The following PDLIM5 variants were observed in gnomAD, a reference collection of about 807,000 sequenced individuals.
The protein encoded by PDLIM5 is PDZ and LIM domain protein 5.
A neutral mutation model predicts 64.2 loss-of-function variants in PDLIM5; 34 were observed. The ratio of observed to expected loss-of-function variants is 0.53; its 90% CI spans 0.40 to 0.71. The LOEUF is 0.71. Among genes scored for constraint, PDLIM5 ranks in the 30% least tolerant of loss-of-function variants. The probability of loss-of-function intolerance (pLI) is 0.00; values close to 1 mark genes in which losing one functional copy is unlikely to be tolerated. For synonymous variants in PDLIM5, 253 were observed against 269.1 expected, an observed-to-expected ratio of 0.94 and a Z score of 0.59; for missense variants, 683 against 733.6, an observed-to-expected ratio of 0.93 and a Z score of 0.80.
At chr4:94,503,979 T>A (rs748163129) in intron 2 of PDLIM5, among the ~76,000 whole-genome samples, 1 of 152,214 alleles carries the variant, frequency 6.6e-6, no homozygotes, top group Admixed American at 6.5e-5. Flanking sequence ...TATGGGACAA[T>A]TTAAATATCC....
chr4:94,474,278 T>C (rs925295345), intron 2 of PDLIM5, among the ~76,000 whole-genome samples: 2 of 152,290 alleles, frequency 1.3e-5, no homozygotes, highest in East Asian at 1.9e-4. Flanking sequence ...TGAGACAGAG[T>C]CTTGCTCTGT....
intron 2 of PDLIM5, among the ~76,000 whole-genome samples, chr4:94,485,495 G>T (rs1485871137): frequency 6.6e-6 from 1 of 152,142 alleles, no homozygotes; most frequent in East Asian, 1.9e-4. Context: ...TATGTGAAGT[G>T]AGTGAACCGC....
chr4:94,489,309 A>T (rs1460488578), intron 2 of PDLIM5, among the ~76,000 whole-genome samples: 3 of 152,116 alleles, frequency 2.0e-5, no homozygotes, highest in Non-Finnish European at 4.4e-5. Flanking sequence ...ATGCTTGATG[A>T]ATTATCTTAG....
chr4:94,489,165 T>C (rs1266190709), intron 2 of PDLIM5: 1 of 152,176 alleles, frequency 6.6e-6, no homozygotes, highest in Non-Finnish European at 1.5e-5. Context: ...TAATAGTATA[T>C]TGTCTATTTT....
At chr4:94,661,628 T>A (rs972378970) in intron 11 of PDLIM5, among the ~76,000 whole-genome samples, 1 of 152,210 alleles carries the variant, frequency 6.6e-6, no homozygotes, top group African/African-American at 2.4e-5. Context: ...AACTCAGTCA[T>A]AGCACTTATT....
intron 5 of PDLIM5, among the ~76,000 whole-genome samples, chr4:94,580,735 A>G (rs1212052165): frequency 6.6e-6 from 1 of 152,118 alleles, no homozygotes; most frequent in Non-Finnish European, 1.5e-5. Context: ...ACCTTTCTCA[A>G]GTCACACATC....
At position 94,569,630 on chromosome 4, in the gene PDLIM5, C is replaced by T. The variant is rs192395615; in HGVS notation, c.249-3721C>T. Among the ~76,000 whole-genome samples the T allele has an allele frequency of 5.3e-4, 80 of 152,174 alleles. No individual in the cohort carries two copies. In the East Asian group the frequency reaches 0.015, roughly 28 times the overall value. On this transcript the variant is annotated intron_variant, in intron 3 of 12. Coordinates refer to ENST00000317968, the MANE Select transcript of PDLIM5 (RefSeq NM_006457.5). ...AAGCCAGCGTTCCTGTCCAATTTTA[C>T]CCCTTTGCATTTGAGTTTCTCATCT...
intron 2 of PDLIM5, among the ~76,000 whole-genome samples, chr4:94,510,482 C>T (rs138048637): frequency 2.8e-3 from 429 of 152,238 alleles, no homozygotes; most frequent in African/African-American, 9.5e-3. Flanking sequence ...TACCATGCCC[C>T]TTTTTCCTGT....
intron 9 of PDLIM5, among the ~76,000 whole-genome samples, chr4:94,647,141 A>G (rs1221051581): frequency 6.6e-6 from 1 of 152,144 alleles, no homozygotes; most frequent in Non-Finnish European, 1.5e-5. Context: ...GCCACTAATA[A>G]ATCCTACTTT....
chr4:94,501,160 C>A (rs949829682), intron 2 of PDLIM5, among the ~76,000 whole-genome samples: 1 of 151,716 alleles, frequency 6.6e-6, no homozygotes, highest in Non-Finnish European at 1.5e-5. Context: ...GCAGCCTCGA[C>A]CTCCCAGGCT....
intron 2 of PDLIM5, chr4:94,456,843 A>C: frequency 8.9e-7 from 1 of 1,118,532 alleles, no homozygotes; most frequent in Non-Finnish European, 1.1e-6. Context: ...AGTGCTGTGA[A>C]TGCATCATCT....
intron 8 of PDLIM5, among the ~76,000 whole-genome samples, chr4:94,631,635 T>C (rs1740155719): frequency 6.6e-6 from 1 of 152,178 alleles, no homozygotes; most frequent in Non-Finnish European, 1.5e-5. Flanking sequence ...AATCAAGACA[T>C]TAACTGGCAA....
At chr4:94,594,954 AC>A (rs1736953360) in intron 7 of PDLIM5, among the ~76,000 whole-genome samples, 2 of 152,108 alleles carry the variant, frequency 1.3e-5, no homozygotes, top group South Asian at 4.1e-4. Context: ...GGTTTGATTG[AC>A]TCATAGTTCC....
chr4:94,509,067 A>G (rs1028753692), intron 2 of PDLIM5, among the ~76,000 whole-genome samples: 4 of 152,194 alleles, frequency 2.6e-5, no homozygotes, highest in African/African-American at 9.6e-5. Flanking sequence ...AACTGTCTTC[A>G]TGCCTCCAAA....
intron 7 of PDLIM5, among the ~76,000 whole-genome samples, chr4:94,612,544 A>G (rs1209955037): frequency 6.6e-6 from 1 of 152,208 alleles, no homozygotes; most frequent in Non-Finnish European, 1.5e-5. Context: ...CTGCGTGCAT[A>G]TACATGCAAA....
intron 9 of PDLIM5, among the ~76,000 whole-genome samples, chr4:94,647,060 C>T (rs1222753943): frequency 6.6e-6 from 1 of 152,144 alleles, no homozygotes; most frequent in Non-Finnish European, 1.5e-5. Context: ...GACTTTGATT[C>T]CTCTTTCACT....
intron 1 of PDLIM5, 83 bp from the exon 2 acceptor site, chr4:94,455,164 C>T: frequency 1.6e-6 from 1 of 606,762 alleles, no homozygotes; most frequent in Non-Finnish European, 3.0e-6. Flanking sequence ...CCTCTCACCC[C>T]CCTCAAACAA....
At chr4:94,586,264 G>A (rs1033320060) in intron 6 of PDLIM5, 144 bp from the exon 7 acceptor site, 10 of 567,652 alleles carry the variant, frequency 1.8e-5, no homozygotes, top group African/African-American at 3.8e-5. Flanking sequence ...TATAGTTTAT[G>A]GCCAATAACA....
intron 8 of PDLIM5, among the ~76,000 whole-genome samples, chr4:94,634,911 C>G (rs1740438696): frequency 6.6e-6 from 1 of 152,194 alleles, no homozygotes; most frequent in African/African-American, 2.4e-5. Flanking sequence ...GTATATTTTA[C>G]TGGACTAACT....
Sources: gnomAD v4.1 joint callset for allele counts (sites outside exome capture counted in the v4.1 genomes callset) on GRCh38, gnomAD v4.1.1 for gene constraint, MANE v1.5 for transcripts, NCBI Gene and HGNC (gene_info 2026-07-23, HGNC 2026-07-21) for gene names.